PALLD: variants seen among roughly 807,000 people sequenced by gnomAD.
PALLD encodes the protein palladin, cytoskeletal associated protein.
In PALLD, 61 loss-of-function variants were observed where a neutral mutation model predicts 123.5. The ratio of observed to expected loss-of-function variants is 0.49; its 90% CI spans 0.40 to 0.61. The LOEUF (loss-of-function observed/expected upper bound fraction) is 0.61. Among genes scored for constraint, PALLD ranks in the 20% least tolerant of loss-of-function variants. The probability of loss-of-function intolerance (pLI) is 0.00; values close to 1 mark genes in which losing one functional copy is unlikely to be tolerated. For synonymous variants in PALLD, 465 were observed against 496.4 expected (o/e 0.94, Z 0.84); for missense variants, 1,273 against 1,377.0 (o/e 0.92, Z 1.20).
At chr4:168,761,934 A>G (rs915623879) in intron 10 of PALLD, among the ~76,000 whole-genome samples, 1 of 152,008 alleles carries the variant, frequency 6.6e-6, no homozygotes, top group Non-Finnish European at 1.5e-5. Flanking sequence ...ATCACTTTGT[A>G]ATGCTCTCTT....
intron 2 of PALLD, chr4:168,631,531 C>T (rs1775803179): frequency 2.5e-6 from 2 of 811,184 alleles, no homozygotes; most frequent in Non-Finnish European, 3.0e-6. Context: ...CAGCATTCCT[C>T]CCCAGGACAC....
chr4:168,905,273 C>T (rs555995329), intron 15 of PALLD, among the ~76,000 whole-genome samples: 1 of 148,570 alleles, frequency 6.7e-6, no homozygotes, highest in Non-Finnish European at 1.5e-5. Context: ...GCCTCAGCCT[C>T]CCTAGTAGCT....
chr4:168,729,063 AAATT>A (rs1786888877), intron 10 of PALLD, among the ~76,000 whole-genome samples: 1 of 152,246 alleles, frequency 6.6e-6, no homozygotes, highest in Non-Finnish European at 1.5e-5. Context: ...CGACCTAAAT[AAATT>A]GTGTTCCAAC....
chr4:168,602,005 G>T (rs1772708788), intron 2 of PALLD, among the ~76,000 whole-genome samples: 1 of 152,180 alleles, frequency 6.6e-6, no homozygotes, highest in African/African-American at 2.4e-5. Flanking sequence ...ACCAAGACAG[G>T]AGGGGATAAT....
At chr4:168,806,354 G>A (rs1381327748) in intron 10 of PALLD, among the ~76,000 whole-genome samples, 1 of 152,122 alleles carries the variant, frequency 6.6e-6, no homozygotes, top group Non-Finnish European at 1.5e-5. Flanking sequence ...GTGAGCCAGT[G>A]AGCCCAGCCA....
Position 168,511,908 on chromosome 4 carries a change from G to T in PALLD, c.404G>T (p.Arg135Leu). ...CTGCTCACCAGGCCCAGCTACATCCGGAGCCTCCGAAAGGCTGAAAAGCGT... is the reference window on the plus strand; with the variant it reads ...CTGCTCACCAGGCCCAGCTACATCCTGAGCCTCCGAAAGGCTGAAAAGCGT... The part of the protein sequence containing the change: ...SPLLTRPSYI[R>L]SLRKAEKRGA... The change falls in exon 2 of 22, where the codon CGG (arginine) becomes CTG (leucine). Residue 135 changes from arginine (R) to leucine (L), a missense_variant. Arg to Leu is a moderately radical substitution (Grantham distance 102). This residue lies in a region of PALLD where 944 missense variants were observed against 954.5 expected (regional missense o/e 0.99). Coordinates refer to ENST00000505667, the MANE Select transcript of PALLD (RefSeq NM_001166108.2). 6.2e-7 allele frequency: 1 copy of T among 1,614,174 alleles called. No individual in the cohort carries two copies. The highest frequency in any genetic ancestry group is 1.1e-5 in the South Asian group (1 of 91,082).
At chr4:168,874,121 T>G (rs951297565) in intron 10 of PALLD, among the ~76,000 whole-genome samples, 1 of 152,264 alleles carries the variant, frequency 6.6e-6, no homozygotes, top group African/African-American at 2.4e-5. Flanking sequence ...TTTATTGAGC[T>G]CATACTCTGA....
chr4:168,712,440 G>A lies in PALLD; in HGVS notation c.1964+517G>A, dbSNP rs562658209. ...AAGCAGGCTTGTGGGCAAGAAGAGC[G>A]CCCTTCACAACACAGGCTACTTGGC... On this transcript the variant is annotated intron_variant, in intron 10 of 21. Coordinates refer to ENST00000505667, the MANE Select transcript of PALLD (RefSeq NM_001166108.2). Among the ~76,000 whole-genome samples, 6 of 152,260 alleles carry A rather than the reference G, an allele frequency of 3.9e-5. No individual in the cohort carries two copies. The East Asian group carries it at 7.7e-4, about 20-fold the overall frequency.
chr4:168,877,495 T>C (rs934902130), intron 10 of PALLD, among the ~76,000 whole-genome samples: 2 of 152,204 alleles, frequency 1.3e-5, no homozygotes, highest in Non-Finnish European at 2.9e-5. Context: ...TCACCTTATG[T>C]GAAACTTAAA....
intron 10 of PALLD, among the ~76,000 whole-genome samples, chr4:168,805,201 T>G (rs2150705979): frequency 1.3e-5 from 2 of 152,030 alleles, no homozygotes; most frequent in Middle Eastern, 6.8e-3. Context: ...CTCAAAAATT[T>G]GAGATGGGAG....
rs1195229517 is a variant in PALLD, at chr4:168,685,502, A to G, written c.1278A>G (p.Ser426=). ...VPVQQVHSPT[S]YLCRPDGTTT... is the part of the protein sequence containing the mutation. ...TTTTGCAGGTTCACAGTCCAACTTC[A>G]TATCTCTGCCGACCTGATGGAACCA... The change falls in exon 6 of 22, where the codon TCA becomes TCG. Residue 426 remains serine (S), a synonymous_variant. Coordinates refer to ENST00000505667, the MANE Select transcript of PALLD (RefSeq NM_001166108.2). 6 of 1,611,742 alleles carry G rather than the reference A, an allele frequency of 3.7e-6. No individual in the cohort carries two copies. Among genetic ancestry groups the G allele is most frequent in the African/African-American group, 2.7e-5 (2 of 74,880 alleles).
chr4:168,578,607 T>C (rs1211884580), intron 2 of PALLD, among the ~76,000 whole-genome samples: 1 of 152,066 alleles, frequency 6.6e-6, no homozygotes, highest in African/African-American at 2.4e-5. Flanking sequence ...ATGTCTTTAT[T>C]AGCAGCATGA....
chr4:168,517,025 C>T (rs1442387026), intron 2 of PALLD, among the ~76,000 whole-genome samples: 1 of 152,124 alleles, frequency 6.6e-6, no homozygotes, highest in East Asian at 1.9e-4. Flanking sequence ...TGCCAAGGAG[C>T]TTGGCAATTG....
Position 168,564,204 on chromosome 4 carries a change from C to T in PALLD, c.908+51792C>T, listed in dbSNP as rs541339028. Among the ~76,000 whole-genome samples, 14 of 152,292 alleles carry T rather than the reference C, an allele frequency of 9.2e-5. No individual in the cohort carries two copies. In the East Asian group the frequency reaches 1.5e-3, roughly 17 times the overall value. On this transcript the variant is annotated intron_variant, in intron 2 of 21. Transcript: ENST00000505667. ...ACAGTTACTGAGATACCTGAATTAACATTTCTAGGTCTTTTGTTCAAATGT... is the reference window on the plus strand; with the variant it reads ...ACAGTTACTGAGATACCTGAATTAATATTTCTAGGTCTTTTGTTCAAATGT...
intron 16 of PALLD, among the ~76,000 whole-genome samples, chr4:168,915,447 C>T (rs1295910275): frequency 6.6e-6 from 1 of 151,996 alleles, no homozygotes; most frequent in Non-Finnish European, 1.5e-5. Context: ...AATTTGTTTT[C>T]CTGCTTAATA....
At chr4:168,585,362 A>G (rs1253653585) in intron 2 of PALLD, among the ~76,000 whole-genome samples, 1 of 151,908 alleles carries the variant, frequency 6.6e-6, no homozygotes, top group Non-Finnish European at 1.5e-5. Context: ...CATTTCATAG[A>G]TGAGGTGTAA....
At chr4:168,834,509 C>T (rs762338811) in intron 10 of PALLD, among the ~76,000 whole-genome samples, 54 of 152,066 alleles carry the variant, frequency 3.6e-4, no homozygotes, top group Non-Finnish European at 2.8e-4. Context: ...GAGGCCGAGG[C>T]GGGCAGATCA....
chr4:168,603,984 T>C (rs944419420), intron 2 of PALLD, among the ~76,000 whole-genome samples: 1 of 152,246 alleles, frequency 6.6e-6, no homozygotes, highest in African/African-American at 2.4e-5. Context: ...TATCCAGAAA[T>C]ATCTCATGGT....
chr4:168,549,840 T>A (rs578226620), intron 2 of PALLD, among the ~76,000 whole-genome samples: 1 of 150,872 alleles, frequency 6.6e-6, no homozygotes, highest in Non-Finnish European at 1.5e-5. Context: ...AACCAAGAGG[T>A]TTTTTAATAC....
Sources: allele counts gnomAD v4.1 joint callset (sites outside exome capture counted in the v4.1 genomes callset), GRCh38; gene constraint gnomAD v4.1.1; regional missense constraint gnomAD v4.1.1; transcripts MANE v1.5; gene names NCBI Gene and HGNC (gene_info 2026-07-23, HGNC 2026-07-21).